Variants in ZNF385B observed in about 807,000 individuals in gnomAD.
The protein encoded by ZNF385B is zinc finger protein 385B, also known as zinc finger protein 533.
In ZNF385B, 23 loss-of-function variants were observed where a neutral mutation model predicts 39.2. The ratio of observed to expected loss-of-function variants is 0.59; its 90% confidence interval spans 0.42 to 0.83. The LOEUF is 0.83. Among genes scored for constraint, ZNF385B ranks in the 40% least tolerant of loss-of-function variants. The pLI is 0.00. For synonymous variants in ZNF385B, 205 were observed against 222.6 expected (o/e 0.92, Z 0.70); for missense variants, 552 against 598.9 (o/e 0.92, Z 0.82).
At chr2:179,546,899 T>C (rs7424301) in intron 3 of ZNF385B, among the ~76,000 whole-genome samples, 24,641 of 149,572 alleles carry the variant, frequency 0.16, 3,339 homozygotes, top group Middle Eastern at 0.2. Flanking sequence ...TGTTATTCTG[T>C]CTTTTGAATA....
intron 3 of ZNF385B, among the ~76,000 whole-genome samples, chr2:179,720,077 T>A (rs978024690): frequency 6.6e-6 from 1 of 152,146 alleles, no homozygotes; most frequent in African/African-American, 2.4e-5. Flanking sequence ...TCCAAACTTA[T>A]CTTAAATAAG....
rs1685071177 is a variant in ZNF385B, at chr2:179,861,524, C to G, written c.-578G>C. ...GACGTGCCAACGCCACTCTCGCGCG[C>G]CGAAGCTGTGACGGTTTACTAAGCA... On this transcript the variant is annotated 5_prime_UTR_variant, in exon 1 of 10. Coordinates refer to ENST00000410066, the MANE Select transcript of ZNF385B (RefSeq NM_152520.6). 6.6e-6 allele frequency: 1 copy of G among 152,230 alleles called. No individual in the cohort carries two copies. The highest frequency in any genetic ancestry group is 2.4e-5 in the African/African-American group (1 of 41,454). The allele number at this position is 152,230 out of a possible 1,614,324, so 9.4% of individuals were successfully genotyped here. A position where few individuals can be genotyped will look rare whatever the true frequency, so the allele number is the denominator to read the frequency against.
chr2:179,531,600 A>C (rs1301419414), intron 4 of ZNF385B, among the ~76,000 whole-genome samples: 4 of 152,124 alleles, frequency 2.6e-5, no homozygotes, highest in Admixed American at 2.0e-4. Context: ...ATGCCACTGC[A>C]CTCCAGCCTG....
At chr2:179,813,527 C>T (rs140348347) in intron 1 of ZNF385B, among the ~76,000 whole-genome samples, 1 of 152,204 alleles carries the variant, frequency 6.6e-6, no homozygotes, top group East Asian at 1.9e-4. Context: ...ACCAAAACGT[C>T]TTCAGGGAAG....
At chr2:179,452,419 G>T (rs955892934) in intron 6 of ZNF385B, among the ~76,000 whole-genome samples, 1 of 151,892 alleles carries the variant, frequency 6.6e-6, no homozygotes, top group East Asian at 1.9e-4. Context: ...AAGATAAAAA[G>T]AATATACCAG....
chr2:179,792,065 C>T lies in ZNF385B; in HGVS notation c.-154-21393G>A, dbSNP rs1252359781. Among the ~76,000 whole-genome samples, 3 of 152,040 alleles carry T rather than the reference C, an allele frequency of 2.0e-5. No homozygotes were observed. The Middle Eastern group carries it at 9.5e-3, about 481-fold the overall frequency. On this transcript the variant is annotated intron_variant, in intron 1 of 9. Coordinates refer to ENST00000410066, the MANE Select transcript of ZNF385B (RefSeq NM_152520.6). Reference sequence around the variant, plus strand: ...ACATGAGCCACCGTGCCCGGCTTTACTTTTTATTTTCTAAAATATCAAAAT... The same window carrying T: ...ACATGAGCCACCGTGCCCGGCTTTATTTTTTATTTTCTAAAATATCAAAAT...
In ZNF385B at chr2:179,836,513, C is replaced by CTTTTTTTTTTT. The variant is rs755278598; in HGVS notation, c.-155+24577_-155+24587dup. Among the ~76,000 whole-genome samples, 57 of 124,154 alleles carry CTTTTTTTTTTT rather than the reference C, an allele frequency of 4.6e-4. 1 individual carries two copies. Among genetic ancestry groups the CTTTTTTTTTTT allele is most frequent in the Non-Finnish European group, 5.7e-4 (35 of 61,736 alleles). The allele number at this position is 124,154 out of a possible 152,430, so 81.4% of individuals were successfully genotyped here. On this transcript the variant is annotated intron_variant, in intron 1 of 9. Coordinates refer to ENST00000410066, the MANE Select transcript of ZNF385B (RefSeq NM_152520.6). ...ATCTGAATCAAGGTTCTTGCGTTTT[C>CTTTTTTTTTTT]TTTTTTTTTTTTTTTTGAGACGGAG...
At chr2:179,821,013 A>G (rs1346146973) in intron 1 of ZNF385B, among the ~76,000 whole-genome samples, 1 of 152,208 alleles carries the variant, frequency 6.6e-6, no homozygotes, top group Non-Finnish European at 1.5e-5. Flanking sequence ...AACCTATCAA[A>G]ACTAATAAAA....
chr2:179,753,822 G>A (rs1702839908), intron 3 of ZNF385B, among the ~76,000 whole-genome samples: 1 of 152,204 alleles, frequency 6.6e-6, no homozygotes, highest in Non-Finnish European at 1.5e-5. Context: ...TCAGCTTAAG[G>A]AGATTTTGGG....
At chr2:179,803,574 T>G (rs13399303) in intron 1 of ZNF385B, among the ~76,000 whole-genome samples, 45,956 of 152,044 alleles carry the variant, frequency 0.3, 7,194 homozygotes, top group African/African-American at 0.32. Context: ...CACGATATTA[T>G]AAGATTTATA....
intron 3 of ZNF385B, among the ~76,000 whole-genome samples, chr2:179,620,105 T>C (rs571254183): frequency 6.6e-6 from 1 of 152,340 alleles, no homozygotes; most frequent in African/African-American, 2.4e-5. Context: ...CTTCTCATTT[T>C]GCCCCTAGTC....
intron 1 of ZNF385B, among the ~76,000 whole-genome samples, chr2:179,854,345 A>G (rs372508755): frequency 6.6e-5 from 10 of 152,264 alleles, no homozygotes; most frequent in African/African-American, 2.4e-4. Context: ...TTTCTAATTT[A>G]TCAGTGAGGA....
At position 179,839,239 on chromosome 2, in the gene ZNF385B, G is replaced by A. The variant is rs117950782; in HGVS notation, c.-155+21862C>T. Among the ~76,000 whole-genome samples the A allele has an allele frequency of 2.6e-5, 4 of 152,242 alleles. No individual in the cohort carries two copies. In the East Asian group the frequency reaches 7.7e-4, roughly 29 times the overall value. On this transcript the variant is annotated intron_variant, in intron 1 of 9. Transcript: ENST00000410066. ...GCCAGTGAGCCATTACATGATTCCTGGGTCTTTGCACTCCAATTAACCTCC... is the reference window on the plus strand; with the variant it reads ...GCCAGTGAGCCATTACATGATTCCTAGGTCTTTGCACTCCAATTAACCTCC...
chr2:179,636,525 T>A lies in ZNF385B; in HGVS notation c.299-91556A>T, dbSNP rs529000487. On this transcript the variant is annotated intron_variant, in intron 3 of 9. Coordinates refer to ENST00000410066, the MANE Select transcript of ZNF385B (RefSeq NM_152520.6). ...ACAAAACAGTTGTCTTAGCCAGTTG[T>A]GGTTAAAATCCCTCACTTTAGCAAA... Among the ~76,000 whole-genome samples, 40 of 152,332 alleles carry A rather than the reference T, an allele frequency of 2.6e-4. 1 individual carries two copies. The South Asian group carries it at 8.3e-3, about 32-fold the overall frequency.
chr2:179,835,304 T>A (rs745539950), intron 1 of ZNF385B, among the ~76,000 whole-genome samples: 1 of 152,128 alleles, frequency 6.6e-6, no homozygotes, highest in Non-Finnish European at 1.5e-5. Context: ...TAGTGAAGGG[T>A]TTACGCAACT....
chr2:179,574,115 T>C (rs1181502724), intron 3 of ZNF385B, among the ~76,000 whole-genome samples: 2 of 151,980 alleles, frequency 1.3e-5, no homozygotes, highest in Non-Finnish European at 2.9e-5. Context: ...AAATAAAAAT[T>C]AACAATTTGA....
At chr2:179,633,913 A>C (rs900260857) in intron 3 of ZNF385B, among the ~76,000 whole-genome samples, 3 of 152,172 alleles carry the variant, frequency 2.0e-5, no homozygotes, top group African/African-American at 7.2e-5. Context: ...ACACATCTAC[A>C]ACCATCTGAT....
At chr2:179,629,948 C>G (rs1334603589) in intron 3 of ZNF385B, among the ~76,000 whole-genome samples, 1 of 152,232 alleles carries the variant, frequency 6.6e-6, no homozygotes, top group African/African-American at 2.4e-5. Context: ...TGCGAGGCAG[C>G]AGCCTGGCTG....
chr2:179,676,833 G>A (rs1696897831), intron 3 of ZNF385B, among the ~76,000 whole-genome samples: 1 of 152,204 alleles, frequency 6.6e-6, no homozygotes, highest in Non-Finnish European at 1.5e-5. Flanking sequence ...TATCTAATGA[G>A]TAGAGGCCAA....
Sources: allele counts gnomAD v4.1 joint callset (sites outside exome capture counted in the v4.1 genomes callset), GRCh38; gene constraint gnomAD v4.1.1; transcripts MANE v1.5; gene names NCBI Gene and HGNC (gene_info 2026-07-23, HGNC 2026-07-21).